Variants in FAM20B observed in about 807,000 individuals in gnomAD.
FAM20B encodes the protein glycosaminoglycan xylosylkinase.
Under a neutral mutation model 43.8 loss-of-function variants are expected in FAM20B, and 23 were observed. The ratio of observed to expected loss-of-function variants is 0.53; its 90% CI spans 0.38 to 0.74. The LOEUF is 0.74. Among genes scored for constraint, FAM20B ranks in the 30% least tolerant of loss-of-function variants. The pLI is 0.00. For missense variants in FAM20B, 440 were observed against 510.5 expected, an observed-to-expected ratio of 0.86 and a Z score of 1.33; for synonymous variants, 178 against 192.4, an observed-to-expected ratio of 0.93 and a Z score of 0.62.
chr1:179,046,769 G>A (rs767594744), intron 2 of FAM20B, among the ~76,000 whole-genome samples: 24 of 150,882 alleles, frequency 1.6e-4, no homozygotes, highest in Non-Finnish European at 2.4e-4. Context: ...TTGGGAGGCC[G>A]AGGCGGGCGG....
intron 7 of FAM20B, among the ~76,000 whole-genome samples, chr1:179,068,885 A>G (rs1222831671): frequency 6.6e-6 from 1 of 152,338 alleles, no homozygotes; most frequent in East Asian, 1.9e-4. Context: ...CCCACCAGAT[A>G]GCAGAGAAGT....
chr1:179,064,568 C>T, intron 6 of FAM20B, 72 bp downstream of exon 6: 3 of 1,218,948 alleles, frequency 2.5e-6, no homozygotes, highest in South Asian at 1.4e-5. Flanking sequence ...TCCAGAGCAT[C>T]CTGGAGAATA....
intron 4 of FAM20B, among the ~76,000 whole-genome samples, chr1:179,063,667 G>A (rs1651567994): frequency 6.6e-6 from 1 of 152,238 alleles, no homozygotes; most frequent in Non-Finnish European, 1.5e-5. Flanking sequence ...ACACCAGAGA[G>A]TGAGACTGGG....
rs1188091469 is a variant in FAM20B at position 179,076,198 on chromosome 1, G to A, written c.*4054G>A. ...GTGAGCCAGGCACATCTGGCCTTGG[G>A]AAACTCATCCTACAGGGGAAGGCCA... On this transcript the variant is annotated 3_prime_UTR_variant, in exon 8 of 8. Coordinates refer to ENST00000263733, the MANE Select transcript of FAM20B (RefSeq NM_014864.4). The A allele has an allele frequency of 1.3e-5, 2 of 152,096 alleles. No individual in the cohort carries two copies. Among genetic ancestry groups the A allele is most frequent in the African/African-American group, 2.4e-5 (1 of 41,410 alleles). The allele number at this position is 152,096 out of a possible 1,614,324, so 9.4% of individuals were successfully genotyped here. A position where few individuals can be genotyped will look rare whatever the true frequency, so the allele number is the denominator to read the frequency against.
intron 2 of FAM20B, among the ~76,000 whole-genome samples, chr1:179,049,394 TAAAAAA>T (rs1038837069): frequency 6.6e-6 from 1 of 151,168 alleles, no homozygotes; most frequent in Non-Finnish European, 1.5e-5. Flanking sequence ...ATCATAAACT[TAAAAAA>T]AAAGAACAAG....
chr1:179,066,513 C>T (rs1042393317), intron 6 of FAM20B, among the ~76,000 whole-genome samples: 2 of 152,042 alleles, frequency 1.3e-5, no homozygotes, highest in Non-Finnish European at 2.9e-5. Context: ...CTGTGAACTC[C>T]GCACTGTGTT....
chr1:179,047,001 A>T (rs952451038), intron 2 of FAM20B, among the ~76,000 whole-genome samples: 1 of 152,184 alleles, frequency 6.6e-6, no homozygotes, highest in Non-Finnish European at 1.5e-5. Flanking sequence ...GTCTCAAAAA[A>T]AAAGAGATCC....
In FAM20B at chr1:179,075,758, GAT is replaced by G. The variant is rs914699582; in HGVS notation, c.*3615_*3616del. ...GCCAGCATTATCTTCCAAAGAAATC[GAT>G]CTTTTTTTTCTAAAAAAAAAAAATG... On this transcript the variant is annotated 3_prime_UTR_variant, in exon 8 of 8. Coordinates refer to ENST00000263733, the MANE Select transcript of FAM20B (RefSeq NM_014864.4). 1 of 151,358 alleles carries G rather than the reference GAT, an allele frequency of 6.6e-6. No homozygotes were observed. Among genetic ancestry groups the G allele is most frequent in the Non-Finnish European group, 1.5e-5 (1 of 67,810 alleles). 9.4% of individuals were successfully genotyped at this position (151,358 alleles called of 1,614,324 possible). A position where few individuals can be genotyped will look rare whatever the true frequency, so the allele number is the denominator to read the frequency against.
chr1:179,043,741 A>G lies in FAM20B; in HGVS notation c.-107A>G. 8.5e-7 allele frequency: 1 copy of G among 1,179,606 alleles called. No individual in the cohort carries two copies. Among genetic ancestry groups the G allele is most frequent in the Non-Finnish European group, 1.2e-6 (1 of 834,538 alleles). The allele number at this position is 1,179,606 out of a possible 1,614,324, so 73.1% of individuals were successfully genotyped here. A position where few individuals can be genotyped will look rare whatever the true frequency, so the allele number is the denominator to read the frequency against. On this transcript the variant is annotated 5_prime_UTR_variant, in exon 2 of 8. Transcript: ENST00000263733. ...AACTGTGGAAGGTGCATCAGTGAAG[A>G]AATGGACCAATGTGTATAATCATGG...
At chr1:179,054,008 A>T (rs562279359) in intron 3 of FAM20B, among the ~76,000 whole-genome samples, 59 of 151,822 alleles carry the variant, frequency 3.9e-4, no homozygotes, top group Middle Eastern at 3.4e-3. Context: ...TCATTTTTTT[A>T]AAATAAATCA....
At chr1:179,064,627 CT>C in intron 6 of FAM20B, 131 bp downstream of exon 6, 1 of 688,204 alleles carries the variant, frequency 1.5e-6, no homozygotes. Context: ...CACTTGGAGT[CT>C]TTGCTATTGG....
the FAM20B span, among the ~76,000 whole-genome samples, chr1:179,020,713 G>A: frequency 1.3e-5 from 2 of 152,208 alleles, no homozygotes; most frequent in African/African-American, 4.8e-5. Flanking sequence ...CCCTTGCTAG[G>A]ACCTCACCAC....
At chr1:179,043,120 C>T (rs1221978357) in intron 1 of FAM20B, among the ~76,000 whole-genome samples, 1 of 152,194 alleles carries the variant, frequency 6.6e-6, no homozygotes, top group African/African-American at 2.4e-5. Flanking sequence ...CCAAGGGATG[C>T]CTGCAGGCCT....
At chr1:179,023,767 C>T (rs1476922206), upstream of FAM20B, among the ~76,000 whole-genome samples, 1 of 152,238 alleles carries the variant, frequency 6.6e-6, no homozygotes, top group Non-Finnish European at 1.5e-5. Context: ...CCAGCCCACA[C>T]TGTTTTCCTG....
chr1:179,059,949 G>C (rs1379965911), intron 4 of FAM20B, among the ~76,000 whole-genome samples: 2 of 150,156 alleles, frequency 1.3e-5, no homozygotes, highest in East Asian at 3.9e-4. Flanking sequence ...TCCAGCCTGG[G>C]AGACAGAGCA....
chr1:179,040,133 C>T (rs977410833), intron 1 of FAM20B, among the ~76,000 whole-genome samples: 40 of 149,306 alleles, frequency 2.7e-4, no homozygotes, highest in Admixed American at 4.0e-4. Flanking sequence ...TGTCCACCTC[C>T]TTCTACACAG....
intron 1 of FAM20B, among the ~76,000 whole-genome samples, chr1:179,028,213 A>G (rs1649870004): frequency 6.6e-6 from 1 of 152,226 alleles, no homozygotes; most frequent in African/African-American, 2.4e-5. Flanking sequence ...AGCTAACCAC[A>G]GAGGTTGTCT....
intron 1 of FAM20B, among the ~76,000 whole-genome samples, chr1:179,040,987 G>C (rs1332890283): frequency 6.9e-6 from 1 of 145,400 alleles, no homozygotes. Context: ...GGGCCGGCGG[G>C]CAGAGGCGCT....
chr1:179,038,422 AAAAAG>A (rs1650344501), intron 1 of FAM20B, among the ~76,000 whole-genome samples: 1 of 151,858 alleles, frequency 6.6e-6, no homozygotes, highest in South Asian at 2.1e-4. Context: ...AAAAAAAAAA[AAAAAG>A]AAAAAAGTTT....
Sources: allele counts gnomAD v4.1 joint callset (sites outside exome capture counted in the v4.1 genomes callset), GRCh38; gene constraint gnomAD v4.1.1; transcripts MANE v1.5; gene names NCBI Gene and HGNC (gene_info 2026-07-23, HGNC 2026-07-21).